Variants in DLC1 observed in about 807,000 individuals in gnomAD.
DLC1 encodes DLC1 Rho GTPase activating protein, also known as rho GTPase-activating protein 7.
Under a neutral mutation model 140.3 loss-of-function variants are expected in DLC1, and 54 were observed. The ratio of observed to expected loss-of-function variants is 0.38; its 90% CI spans 0.31 to 0.48. The LOEUF (loss-of-function observed/expected upper bound fraction) is 0.48. DLC1 is among the 20% of genes least tolerant of loss of function. The probability of loss-of-function intolerance (pLI) is 0.96; values close to 1 mark genes in which losing one functional copy is unlikely to be tolerated. For missense variants in DLC1, 2,536 were observed against 1,907.0 expected (o/e 1.33, Z -6.14); for synonymous variants, 986 against 728.1 (o/e 1.35, Z -5.70).
chr8:13,372,067 C>T (rs1370705140), intron 4 of DLC1, among the ~76,000 whole-genome samples: 1 of 151,970 alleles, frequency 6.6e-6, no homozygotes, highest in Non-Finnish European at 1.5e-5. Flanking sequence ...ATGTGACTTG[C>T]AAATTGAGAT....
intron 12 of DLC1, among the ~76,000 whole-genome samples, chr8:13,094,240 A>T (rs2128931736): frequency 6.6e-6 from 1 of 152,350 alleles, no homozygotes; most frequent in Non-Finnish European, 1.5e-5. Context: ...TGCATCAGTC[A>T]TTAGAGACTG....
At chr8:13,281,308 G>C (rs1326253066) in intron 5 of DLC1, among the ~76,000 whole-genome samples, 3 of 152,180 alleles carry the variant, frequency 2.0e-5, no homozygotes, top group African/African-American at 7.2e-5. Flanking sequence ...AAATGTTCTT[G>C]ACCAAAGGGT....
chr8:13,476,932 A>AT (rs1563380897), intron 2 of DLC1, among the ~76,000 whole-genome samples: 1 of 152,166 alleles, frequency 6.6e-6, no homozygotes, highest in African/African-American at 2.4e-5. Context: ...CAGTAAGTGA[A>AT]TTTTTTTCTC....
At chr8:13,510,342 G>GT (rs1001235076) in intron 1 of DLC1, among the ~76,000 whole-genome samples, 1 of 151,782 alleles carries the variant, frequency 6.6e-6, no homozygotes, top group South Asian at 2.1e-4. Flanking sequence ...CCTGGCTAAA[G>GT]TTTTTTGTAT....
chr8:13,598,643 C>T (rs1381002274), intron 1 of DLC1, among the ~76,000 whole-genome samples: 1 of 151,962 alleles, frequency 6.6e-6, no homozygotes, highest in Non-Finnish European at 1.5e-5. Context: ...CATTTGCATG[C>T]ACTATTTTTT....
chr8:13,323,319 A>G (rs1027745862), intron 4 of DLC1, among the ~76,000 whole-genome samples: 1 of 152,248 alleles, frequency 6.6e-6, no homozygotes, highest in African/African-American at 2.4e-5. Context: ...CTAAAAGTGC[A>G]TCTTATTCCC....
chr8:13,567,193 G>C (rs1804470340), intron 1 of DLC1: 2 of 1,551,788 alleles, frequency 1.3e-6, no homozygotes, highest in African/African-American at 2.7e-5. Flanking sequence ...GGAACAAGGA[G>C]ACACACAATC....
chr8:13,090,401 C>G lies in DLC1; in HGVS notation c.3925G>C (p.Ala1309Pro), dbSNP rs1305997625. Reference protein sequence around the residue: ...EQELKPLTLEALGHLGNDDSA... With the variant: ...EQELKPLTLEPLGHLGNDDSA... ...TCATCATTACCCAGGTGCCCGAGTG[C>G]TTCCAGAGTGAGGGGCTTCAGCTCT... The change falls in exon 15 of 18, where the codon GCA (alanine) becomes CCA (proline). Residue 1309 changes from alanine (A) to proline (P), a missense_variant. By Grantham distance (27) the Ala-to-Pro change is conservative. Coordinates refer to ENST00000276297, the MANE Select transcript of DLC1 (RefSeq NM_182643.3). 6.2e-7 allele frequency: 1 copy of G among 1,614,196 alleles called. No individual in the cohort carries two copies. Among genetic ancestry groups the G allele is most frequent in the Non-Finnish European group, 8.5e-7 (1 of 1,180,044 alleles).
chr8:13,234,620 T>C (rs1472067451), intron 5 of DLC1, among the ~76,000 whole-genome samples: 1 of 152,142 alleles, frequency 6.6e-6, no homozygotes, highest in African/African-American at 2.4e-5. Flanking sequence ...TGTTAAGTGG[T>C]AGAATACCTT....
intron 5 of DLC1, among the ~76,000 whole-genome samples, chr8:13,127,389 T>G (rs1421018284): frequency 1.3e-5 from 2 of 152,204 alleles, no homozygotes; most frequent in Admixed American, 6.5e-5. Flanking sequence ...AAGGCACTGG[T>G]TTTCCAGGCT....
At chr8:13,531,455 G>A (rs566610650) in intron 1 of DLC1, among the ~76,000 whole-genome samples, 39 of 152,154 alleles carry the variant, frequency 2.6e-4, no homozygotes, top group African/African-American at 9.2e-4. Flanking sequence ...GCATGGTGAT[G>A]GGGGCCTATA....
intron 4 of DLC1, among the ~76,000 whole-genome samples, chr8:13,348,854 G>GC (rs1289476809): frequency 6.6e-6 from 1 of 152,166 alleles, no homozygotes; most frequent in Non-Finnish European, 1.5e-5. Context: ...GCAGAGAGCT[G>GC]TATTCTCAAC....
At chr8:13,554,463 G>A (rs144893344) in intron 1 of DLC1, among the ~76,000 whole-genome samples, 19 of 152,132 alleles carry the variant, frequency 1.2e-4, no homozygotes, top group African/African-American at 4.3e-4. Flanking sequence ...TCTCCACTTC[G>A]GTGTTTAAAA....
intron 5 of DLC1, among the ~76,000 whole-genome samples, chr8:13,259,840 A>G (rs117406433): frequency 0.011 from 1,698 of 152,308 alleles, 11 homozygotes; most frequent in South Asian, 0.037. Flanking sequence ...ACTTAGGTGA[A>G]GAAGGCTAAA....
chr8:13,551,665 T>C (rs1201260580), intron 1 of DLC1, among the ~76,000 whole-genome samples: 1 of 151,886 alleles, frequency 6.6e-6, no homozygotes. Flanking sequence ...AGGTGAGACA[T>C]CTTATTTTAT....
At chr8:13,416,309 A>G (rs1406098681) in intron 2 of DLC1, among the ~76,000 whole-genome samples, 5 of 152,252 alleles carry the variant, frequency 3.3e-5, no homozygotes, top group Admixed American at 3.3e-4. Flanking sequence ...ACCAATGAAA[A>G]CAATCTCCAT....
chr8:13,562,315 A>C (rs1804271178), intron 1 of DLC1, among the ~76,000 whole-genome samples: 2 of 152,182 alleles, frequency 1.3e-5, no homozygotes, highest in African/African-American at 2.4e-5. Flanking sequence ...ATTTGGAACC[A>C]AGTCACAGAC....
chr8:13,421,116 C>T (rs541011181), intron 2 of DLC1, among the ~76,000 whole-genome samples: 1 of 152,196 alleles, frequency 6.6e-6, no homozygotes, highest in South Asian at 2.1e-4. Context: ...ATGAAAAAGA[C>T]ACCATTTTTA....
chr8:13,496,764 T>G (rs3943252), intron 2 of DLC1, among the ~76,000 whole-genome samples: 1 of 141,352 alleles, frequency 7.1e-6, no homozygotes. Context: ...GATAAATAAT[T>G]AACAAATTCT....
Sources: gnomAD v4.1 joint callset for allele counts (sites outside exome capture counted in the v4.1 genomes callset) on GRCh38, gnomAD v4.1.1 for gene constraint, MANE v1.5 for transcripts, NCBI Gene and HGNC (gene_info 2026-07-23, HGNC 2026-07-21) for gene names.